The following GRIP2 variants were observed in gnomAD, a reference collection of about 807,000 sequenced individuals.
GRIP2 encodes glutamate receptor-interacting protein 2.
Under a neutral mutation model 108.3 loss-of-function variants are expected in GRIP2, and 58 were observed. That is an observed-to-expected ratio of 0.54 (90% CI 0.43 to 0.67). The LOEUF is 0.67. GRIP2 is among the 30% of genes least tolerant of loss of function. GRIP2 has a pLI of 0.00. For synonymous variants in GRIP2, 586 were observed against 598.2 expected (o/e 0.98, Z 0.30); for missense variants, 1,278 against 1,430.6 (o/e 0.89, Z 1.72).
chr3:14,504,402 C>T (rs1274052419), intron 20 of GRIP2, among the ~76,000 whole-genome samples: 1 of 150,952 alleles, frequency 6.6e-6, no homozygotes, highest in African/African-American at 2.4e-5. Context: ...AGCTCTGCCT[C>T]CTGGGTTCAC....
chr3:14,494,295 G>A (rs1368055518), intron 23 of GRIP2, among the ~76,000 whole-genome samples: 2 of 152,230 alleles, frequency 1.3e-5, no homozygotes, highest in Non-Finnish European at 1.5e-5. Flanking sequence ...GAGAAAACAT[G>A]AATTGAGTAA....
In GRIP2 at chr3:14,490,115, A is replaced by AC. The variant is rs1701300129; in HGVS notation, c.*3549dup. 1.6e-5 allele frequency: 2 copies of AC among 122,910 alleles called. No individual in the cohort carries two copies. Among genetic ancestry groups the AC allele is most frequent in the Admixed American group, 8.9e-5 (1 of 11,270 alleles). 7.6% of individuals were successfully genotyped at this position (122,910 alleles called of 1,614,324 possible). On this transcript the variant is annotated 3_prime_UTR_variant, in exon 24 of 24. Coordinates refer to ENST00000621039, the MANE Select transcript of GRIP2 (RefSeq NM_001080423.4). ...TGGCTCTTTCTGACAGCCTATGCCT[A>AC]CCTGCCTGCCTCTCTCTATGTGTAC...
chr3:14,588,304 G>A, the GRIP2 span, among the ~76,000 whole-genome samples: 1 of 152,210 alleles, frequency 6.6e-6, no homozygotes, highest in African/African-American at 2.4e-5. Flanking sequence ...AGTCACTCAA[G>A]CCAGAGTCTG....
At chr3:14,555,108 C>T (rs1405301498) in intron 1 of GRIP2, among the ~76,000 whole-genome samples, 3 of 152,142 alleles carry the variant, frequency 2.0e-5, no homozygotes, top group African/African-American at 7.2e-5. Flanking sequence ...TTGGTCCCAC[C>T]CTAAGCCCCT....
chr3:14,520,081 G>A (rs1398208020), intron 9 of GRIP2, 29 bp downstream of exon 9: 1 of 1,558,184 alleles, frequency 6.4e-7, no homozygotes, highest in South Asian at 1.2e-5. Context: ...GCCCAGGTTT[G>A]GGCCCTGAGA....
intron 11 of GRIP2, among the ~76,000 whole-genome samples, chr3:14,516,608 C>T (rs1180082710): frequency 6.6e-6 from 1 of 152,154 alleles, no homozygotes; most frequent in East Asian, 1.9e-4. Flanking sequence ...GAAATTATTA[C>T]ATTCTGGACA....
chr3:14,573,651 T>C, the GRIP2 span: 5 of 1,501,196 alleles, frequency 3.3e-6, no homozygotes, highest in Admixed American at 3.4e-5. Flanking sequence ...ACAGTCCATG[T>C]GGGGAAGGTT....
chr3:14,520,803 T>A (rs541807597), intron 7 of GRIP2: 1 of 495,106 alleles, frequency 2.0e-6, no homozygotes, highest in Admixed American at 3.3e-5. Context: ...GAAATGAATT[T>A]GCTTGAGTTT....
the GRIP2 span, among the ~76,000 whole-genome samples, chr3:14,587,651 A>C: frequency 7.1e-3 from 1,074 of 151,926 alleles, 17 homozygotes; most frequent in African/African-American, 0.023. Context: ...AAAAAAAAAA[A>C]AAAACAAAAC....
At chr3:14,599,876 G>A in the GRIP2 span, among the ~76,000 whole-genome samples, 1 of 152,002 alleles carries the variant, frequency 6.6e-6, no homozygotes, top group South Asian at 2.1e-4. Context: ...CACACACACA[G>A]ACACACATAC....
the GRIP2 span, among the ~76,000 whole-genome samples, chr3:14,595,708 C>T: frequency 6.6e-5 from 10 of 152,220 alleles, no homozygotes; most frequent in South Asian, 2.1e-4. Flanking sequence ...GATGCACACA[C>T]GCAGGGAGGG....
At chr3:14,562,105 G>C in the GRIP2 span, among the ~76,000 whole-genome samples, 3 of 152,340 alleles carry the variant, frequency 2.0e-5, no homozygotes, top group East Asian at 5.8e-4. Flanking sequence ...AGCAAGTGAG[G>C]AGTACCGGAG....
At chr3:14,574,244 G>T in the GRIP2 span, 1 of 875,910 alleles carries the variant, frequency 1.1e-6, no homozygotes, top group Non-Finnish European at 1.9e-6. Flanking sequence ...GTCGCTTGAC[G>T]AAGCTGTCGA....
the GRIP2 span, among the ~76,000 whole-genome samples, chr3:14,593,539 T>C: frequency 6.6e-6 from 1 of 152,234 alleles, no homozygotes; most frequent in Non-Finnish European, 1.5e-5. Flanking sequence ...CCAGAGCTCC[T>C]ATAGTTCTCC....
intron 21 of GRIP2, among the ~76,000 whole-genome samples, chr3:14,500,837 C>G (rs549843652): frequency 2.7e-4 from 41 of 152,154 alleles, no homozygotes; most frequent in Non-Finnish European, 4.6e-4. Flanking sequence ...AAAACCCCCA[C>G]GTTCATGAAG....
At chr3:14,499,988 T>A (rs2124846200) in intron 21 of GRIP2, among the ~76,000 whole-genome samples, 1 of 152,086 alleles carries the variant, frequency 6.6e-6, no homozygotes, top group African/African-American at 2.4e-5. Flanking sequence ...GGGCCACAGG[T>A]TGGATAAGCT....
chr3:14,586,561 C>A, the GRIP2 span, among the ~76,000 whole-genome samples: 1 of 152,084 alleles, frequency 6.6e-6, no homozygotes, highest in Non-Finnish European at 1.5e-5. Flanking sequence ...GGGGCACTTC[C>A]CAGAGGAAGT....
At chr3:14,576,461 T>C in the GRIP2 span, among the ~76,000 whole-genome samples, 3 of 152,116 alleles carry the variant, frequency 2.0e-5, no homozygotes, top group East Asian at 1.9e-4. Flanking sequence ...TCCCCAAGAA[T>C]TGAAAGGCCA....
chr3:14,525,659 GT>G, intron 2 of GRIP2, 87 bp from the exon 3 acceptor site: 1 of 1,518,452 alleles, frequency 6.6e-7, no homozygotes, highest in Non-Finnish European at 9.1e-7. Flanking sequence ...CGAGCACCTG[GT>G]TGGTAGGGCA....
Sources: allele counts gnomAD v4.1 joint callset (sites outside exome capture counted in the v4.1 genomes callset), GRCh38; gene constraint gnomAD v4.1.1; transcripts MANE v1.5; gene names NCBI Gene and HGNC (gene_info 2026-07-23, HGNC 2026-07-21).